The following PIP4K2A variants were observed in gnomAD, a reference collection of about 807,000 sequenced individuals.
PIP4K2A encodes the protein phosphatidylinositol 5-phosphate 4-kinase type-2 alpha.
Under a neutral mutation model 42.9 loss-of-function variants are expected in PIP4K2A, and 14 were observed. That is an observed-to-expected ratio of 0.33 (90% confidence interval 0.22 to 0.51). The LOEUF is 0.51. Among genes scored for constraint, PIP4K2A ranks in the 20% least tolerant of loss-of-function variants. The probability of loss-of-function intolerance (pLI) is 0.97; values close to 1 mark genes in which losing one functional copy is unlikely to be tolerated. For missense variants in PIP4K2A, 434 were observed against 519.8 expected (o/e 0.83, Z 1.61); for synonymous variants, 192 against 192.2 (o/e 1.00, Z 0.01).
At chr10:22,568,758 G>T (rs1836909509) in intron 5 of PIP4K2A, among the ~76,000 whole-genome samples, 2 of 152,170 alleles carry the variant, frequency 1.3e-5, no homozygotes, top group South Asian at 2.1e-4. Flanking sequence ...AAGAAAAGCT[G>T]GGAAACAAAT....
intron 3 of PIP4K2A, among the ~76,000 whole-genome samples, chr10:22,602,128 C>T (rs1837795472): frequency 6.6e-6 from 1 of 152,112 alleles, no homozygotes; most frequent in Non-Finnish European, 1.5e-5. Flanking sequence ...TGCAGTGGCT[C>T]ACATCTGTAA....
intron 1 of PIP4K2A, among the ~76,000 whole-genome samples, chr10:22,652,018 C>T (rs1839005469): frequency 6.6e-6 from 1 of 152,166 alleles, no homozygotes; most frequent in African/African-American, 2.4e-5. Flanking sequence ...AAATCAGCTC[C>T]TGTAGATTCT....
intron 1 of PIP4K2A, among the ~76,000 whole-genome samples, chr10:22,649,960 A>G (rs1838958654): frequency 6.6e-6 from 1 of 152,180 alleles, no homozygotes; most frequent in South Asian, 2.1e-4. Flanking sequence ...AGAGAATGGC[A>G]GGAACACCCA....
intron 1 of PIP4K2A, among the ~76,000 whole-genome samples, chr10:22,616,167 T>C (rs1838173579): frequency 1.3e-5 from 2 of 151,960 alleles, no homozygotes; most frequent in Non-Finnish European, 2.9e-5. Flanking sequence ...CTGATTATGG[T>C]ATGACTCAAG....
At chr10:22,606,691 T>C (rs1837914480) in intron 3 of PIP4K2A, among the ~76,000 whole-genome samples, 1 of 152,206 alleles carries the variant, frequency 6.6e-6, no homozygotes, top group Non-Finnish European at 1.5e-5. Context: ...GGGTAAGCTG[T>C]ATCAGTACTC....
intron 1 of PIP4K2A, among the ~76,000 whole-genome samples, chr10:22,613,045 C>A (rs1171785643): frequency 1.3e-5 from 2 of 152,078 alleles, no homozygotes; most frequent in Non-Finnish European, 2.9e-5. Flanking sequence ...GGAAAACTGC[C>A]ATCGAGGCAG....
chr10:22,546,132 C>T (rs543669011), intron 7 of PIP4K2A, among the ~76,000 whole-genome samples: 3 of 152,200 alleles, frequency 2.0e-5, no homozygotes, highest in African/African-American at 4.8e-5. Context: ...CCATGCTTGA[C>T]GAGTTCGCCT....
Position 22,607,977 on chromosome 10 carries a change from C to T in PIP4K2A, c.289G>A (p.Val97Ile), listed in dbSNP as rs1227409973. ...AACCTCTCCCGCAGGTTACGGAAGACCATCGGGCAGTATTCCTTAAACTTG... is the reference window on the plus strand; with the variant it reads ...AACCTCTCCCGCAGGTTACGGAAGATCATCGGGCAGTATTCCTTAAACTTG... ...HFKFKEYCPM[V>I]FRNLRERFGI... Residue 97 changes from valine (V) to isoleucine (I), a missense_variant, in exon 3 of 10, where the codon GTC becomes ATC. This residue lies in a region of PIP4K2A where 395 missense variants were observed against 444.5 expected (regional missense o/e 0.89). Coordinates refer to ENST00000376573, the MANE Select transcript of PIP4K2A (RefSeq NM_005028.5). 1 of 1,613,438 alleles carries T rather than the reference C, an allele frequency of 6.2e-7. No homozygotes were observed. Among genetic ancestry groups the T allele is most frequent in the East Asian group, 2.2e-5 (1 of 44,866 alleles).
At chr10:22,556,300 A>C (rs751243090) in intron 6 of PIP4K2A, among the ~76,000 whole-genome samples, 3 of 152,172 alleles carry the variant, frequency 2.0e-5, no homozygotes, top group Non-Finnish European at 2.9e-5. Context: ...ACTGCTTTGC[A>C]AACCTCAATT....
chr10:22,654,370 G>C (rs1839053264), intron 1 of PIP4K2A, among the ~76,000 whole-genome samples: 1 of 152,102 alleles, frequency 6.6e-6, no homozygotes, highest in Non-Finnish European at 1.5e-5. Flanking sequence ...TTTACCATGT[G>C]TGGAGAAAAA....
In PIP4K2A at chr10:22,536,059, A is replaced by T. The variant is rs1383591294; in HGVS notation, c.*1142T>A. The T allele has an allele frequency of 2.5e-6, 1 of 398,424 alleles. No individual in the cohort carries two copies. The highest frequency in any genetic ancestry group is 4.4e-6 in the Non-Finnish European group (1 of 226,016). 24.7% of individuals were successfully genotyped at this position (398,424 alleles called of 1,614,324 possible). On this transcript the variant is annotated 3_prime_UTR_variant, in exon 10 of 10. Coordinates refer to ENST00000376573, the MANE Select transcript of PIP4K2A (RefSeq NM_005028.5). ...TTCAAAAATCACATGCTGTACATCA[A>T]ATTTTTAGATTCAAAAGATATCCCT... is the stretch of plus-strand genomic sequence containing the variant.
At chr10:22,578,560 T>C (rs1837178127) in intron 4 of PIP4K2A, among the ~76,000 whole-genome samples, 1 of 152,186 alleles carries the variant, frequency 6.6e-6, no homozygotes, top group Admixed American at 6.5e-5. Context: ...TGCTTCCTCC[T>C]CTACATGCCC....
intron 1 of PIP4K2A, among the ~76,000 whole-genome samples, chr10:22,688,070 TCA>T (rs1189535112): frequency 1.3e-5 from 2 of 152,130 alleles, no homozygotes; most frequent in African/African-American, 4.8e-5. Flanking sequence ...GGTCAAATCT[TCA>T]CACAGACAGG....
chr10:22,535,786 A>C lies in PIP4K2A; in HGVS notation c.*1415T>G, dbSNP rs1026827833. Reference sequence around the variant, plus strand: ...GGTTGGAAATTTATAACTTGATTAAAAACAATCAGCACAGTTTAGGGCAAT... The same window carrying C: ...GGTTGGAAATTTATAACTTGATTAACAACAATCAGCACAGTTTAGGGCAAT... On this transcript the variant is annotated 3_prime_UTR_variant, in exon 10 of 10. Coordinates refer to ENST00000376573, the MANE Select transcript of PIP4K2A (RefSeq NM_005028.5). 4 of 247,698 alleles carry C rather than the reference A, an allele frequency of 1.6e-5. No individual in the cohort carries two copies. Among genetic ancestry groups the C allele is most frequent in the Non-Finnish European group, 3.1e-5 (4 of 130,870 alleles). 15.3% of individuals were successfully genotyped at this position (247,698 alleles called of 1,614,324 possible). A position where few individuals can be genotyped will look rare whatever the true frequency, so the allele number is the denominator to read the frequency against.
chr10:22,572,177 A>C (rs535952211), intron 5 of PIP4K2A, among the ~76,000 whole-genome samples: 14 of 152,344 alleles, frequency 9.2e-5, no homozygotes, highest in South Asian at 2.1e-4. Context: ...ACTTTTCTGC[A>C]AACAGTCAGT....
chr10:22,563,430 T>C (rs546683469), intron 6 of PIP4K2A, among the ~76,000 whole-genome samples: 2 of 152,352 alleles, frequency 1.3e-5, no homozygotes, highest in East Asian at 1.9e-4. Flanking sequence ...GAAATACAAA[T>C]TGTTTTGCTA....
chr10:22,660,414 T>C lies in PIP4K2A; in HGVS notation c.145-50697A>G, dbSNP rs192865576. On this transcript the variant is annotated intron_variant, in intron 1 of 9. Transcript: ENST00000376573. ...TGAACCCGGGAGGCAGAGACTGCAG[T>C]GAGCTGAGATCACGCCACTGCACTC... is the stretch of plus-strand genomic sequence containing the variant. Among the ~76,000 whole-genome samples, 30 of 152,122 alleles carry C rather than the reference T, an allele frequency of 2.0e-4. No homozygotes were observed. In the Middle Eastern group the frequency reaches 0.01, roughly 52 times the overall value.
intron 1 of PIP4K2A, among the ~76,000 whole-genome samples, chr10:22,625,597 C>T (rs1314636695): frequency 2.0e-5 from 3 of 152,024 alleles, no homozygotes; most frequent in Non-Finnish European, 2.9e-5. Context: ...GGATATTTGG[C>T]GGTGGGCTTT....
chr10:22,541,763 C>A, intron 8 of PIP4K2A, 41 bp downstream of exon 8: 21 of 1,501,394 alleles, frequency 1.4e-5, no homozygotes, highest in Non-Finnish European at 1.8e-5. Context: ...CAAAGTCAAA[C>A]CACTTCACAT....
Sources: allele counts gnomAD v4.1 joint callset (sites outside exome capture counted in the v4.1 genomes callset), GRCh38; gene constraint gnomAD v4.1.1; regional missense constraint gnomAD v4.1.1; transcripts MANE v1.5; gene names NCBI Gene and HGNC (gene_info 2026-07-23, HGNC 2026-07-21).